Variants in SVIL observed in about 807,000 individuals in gnomAD.
SVIL encodes the protein supervillin, also known as archvillin.
SVIL carries 101 observed loss-of-function variants against 240.4 expected under a neutral mutation model. The ratio of observed to expected loss-of-function variants is 0.42; its 90% CI spans 0.36 to 0.50. The LOEUF (loss-of-function observed/expected upper bound fraction) is 0.50. Ranked by LOEUF, SVIL falls within the 20% of genes least tolerant of loss-of-function variation. The probability of loss-of-function intolerance (pLI) is 0.01; values close to 1 mark genes in which losing one functional copy is unlikely to be tolerated. For missense variants in SVIL, 2,512 were observed against 2,818.7 expected, an observed-to-expected ratio of 0.89 and a Z score of 2.46; for synonymous variants, 999 against 1,100.0, an observed-to-expected ratio of 0.91 and a Z score of 1.82.
intron 3 of SVIL, among the ~76,000 whole-genome samples, chr10:29,655,862 G>A (rs984982151): frequency 6.8e-6 from 1 of 147,412 alleles, no homozygotes; most frequent in Admixed American, 6.9e-5. Context: ...TCTGTTGAGT[G>A]TGTATGTGTG....
intron 16 of SVIL, among the ~76,000 whole-genome samples, chr10:29,519,518 A>G (rs1466202188): frequency 6.6e-6 from 1 of 152,240 alleles, no homozygotes; most frequent in Non-Finnish European, 1.5e-5. Flanking sequence ...TTTAAGCTTC[A>G]TTATTTCATT....
At chr10:29,668,082 C>T (rs775326202) in intron 2 of SVIL, among the ~76,000 whole-genome samples, 35 of 152,152 alleles carry the variant, frequency 2.3e-4, no homozygotes, top group Admixed American at 9.2e-4. Context: ...ATTTACAGGA[C>T]GACTATTAAT....
intron 1 of SVIL, among the ~76,000 whole-genome samples, chr10:29,706,628 T>C (rs1055076625): frequency 6.6e-6 from 1 of 152,220 alleles, no homozygotes; most frequent in Non-Finnish European, 1.5e-5. Context: ...TGATAGTTTC[T>C]TTTGCTGTGC....
rs778403781 is a variant in SVIL at position 29,532,524 on chromosome 10, C to T, written c.1838+5G>A. On this transcript the variant is annotated splice_donor_5th_base_variant and intron_variant, in intron 8 of 37. Coordinates refer to ENST00000355867, the MANE Select transcript of SVIL (RefSeq NM_021738.3). Reference sequence around the variant, plus strand: ...CAGCTGGAGGGCGTGTGAAGCATCACCTACAGTTCAGGTCTCCTGCAGGCG... The same window carrying T: ...CAGCTGGAGGGCGTGTGAAGCATCATCTACAGTTCAGGTCTCCTGCAGGCG... The T allele has an allele frequency of 8.7e-6, 14 of 1,601,142 alleles. No homozygotes were observed. Among genetic ancestry groups the T allele is most frequent in the South Asian group, 1.1e-5 (1 of 90,286 alleles).
Position 29,569,267 on chromosome 10 carries a change from C to A in SVIL, c.-155G>T, listed in dbSNP as rs2132719342. 3.0e-6 allele frequency: 3 copies of A among 985,778 alleles called. No homozygotes were observed. Among genetic ancestry groups the A allele is most frequent in the Non-Finnish European group, 3.6e-6 (3 of 829,888 alleles). 61.1% of individuals were successfully genotyped at this position (985,778 alleles called of 1,614,324 possible). On this transcript the variant is annotated 5_prime_UTR_variant, in exon 2 of 38. In the 5' UTR this introduces an upstream ATG that the reference lacks. Transcript: ENST00000355867. Reference sequence around the variant, plus strand: ...AAGGCCACTTTACCTTGAAACTTTCCTTTGACGTGGGAATCCAAGGAAGCT... The same window carrying A: ...AAGGCCACTTTACCTTGAAACTTTCATTTGACGTGGGAATCCAAGGAAGCT...
At chr10:29,567,423 G>A (rs35843080) in intron 2 of SVIL, among the ~76,000 whole-genome samples, 9,415 of 152,234 alleles carry the variant, frequency 0.062, 363 homozygotes, top group Admixed American at 0.12. Context: ...TCATATTTTC[G>A]TCTCTTTTAG....
chr10:29,619,354 C>T (rs557992649), intron 1 of SVIL, among the ~76,000 whole-genome samples: 2 of 152,342 alleles, frequency 1.3e-5, no homozygotes, highest in South Asian at 2.1e-4. Flanking sequence ...TTTAATGACT[C>T]TTCTGCCAAA....
chr10:29,604,503 G>A (rs572520444), intron 1 of SVIL, among the ~76,000 whole-genome samples: 28 of 151,364 alleles, frequency 1.8e-4, no homozygotes, highest in Non-Finnish European at 2.9e-4. Flanking sequence ...GATTACAGGC[G>A]TGAGCCATTG....
At chr10:29,467,689 G>T (rs528083067) in intron 33 of SVIL, 53 bp downstream of exon 33, 4 of 1,608,898 alleles carry the variant, frequency 2.5e-6, no homozygotes, top group African/African-American at 2.7e-5. Flanking sequence ...CAAGACTCTT[G>T]TTTCCAAAAA....
At chr10:29,632,875 C>T (rs1016349496) in intron 1 of SVIL, among the ~76,000 whole-genome samples, 2 of 151,820 alleles carry the variant, frequency 1.3e-5, no homozygotes, top group Non-Finnish European at 2.9e-5. Flanking sequence ...AGTATAGACT[C>T]CAAAGTTTCC....
Position 29,471,214 on chromosome 10 carries a change from G to C in SVIL, c.5559C>G (p.Pro1853=). 6.2e-7 allele frequency: 1 copy of C among 1,613,014 alleles called. No homozygotes were observed. The highest frequency in any genetic ancestry group is 1.3e-5 in the African/African-American group (1 of 75,026). ...QVQVLQGKEP[P]CFLQCFQGGM... is the part of the protein sequence containing the mutation. ...CCCCCTGGAAACACTGCAGGAAACA[G>C]GGGGGCTCCTTTCCCTGGAGAACCT... Residue 1853 remains proline (P), a synonymous_variant, in exon 31 of 38, where the codon CCC becomes CCG. Coordinates refer to ENST00000355867, the MANE Select transcript of SVIL (RefSeq NM_021738.3).
intron 1 of SVIL, among the ~76,000 whole-genome samples, chr10:29,628,100 A>C (rs1219261844): frequency 2.0e-5 from 3 of 152,254 alleles, no homozygotes; most frequent in African/African-American, 7.2e-5. Context: ...CAACCAACAT[A>C]GCACACAGTA....
intron 36 of SVIL, among the ~76,000 whole-genome samples, chr10:29,460,033 T>C (rs1361082987): frequency 6.6e-6 from 1 of 152,098 alleles, no homozygotes; most frequent in Non-Finnish European, 1.5e-5. Context: ...TCAAGGTTTG[T>C]GTGAGCCATG....
At chr10:29,479,921 C>T (rs1314712025) in intron 29 of SVIL, among the ~76,000 whole-genome samples, 5 of 152,158 alleles carry the variant, frequency 3.3e-5, no homozygotes, top group Non-Finnish European at 5.9e-5. Context: ...CAGAGTTCAC[C>T]GGACTCCCCC....
chr10:29,508,882 G>A (rs574374008), intron 17 of SVIL, among the ~76,000 whole-genome samples: 3 of 152,320 alleles, frequency 2.0e-5, no homozygotes, highest in East Asian at 1.9e-4. Context: ...TGTCTGATTC[G>A]CTGGATGACT....
At chr10:29,595,626 C>T (rs2132818180) in intron 1 of SVIL, among the ~76,000 whole-genome samples, 1 of 152,218 alleles carries the variant, frequency 6.6e-6, no homozygotes, top group Non-Finnish European at 1.5e-5. Flanking sequence ...GTAGGCAAAC[C>T]CTTACGACTC....
At chr10:29,579,600 G>A (rs1589311277) in intron 1 of SVIL, among the ~76,000 whole-genome samples, 1 of 152,204 alleles carries the variant, frequency 6.6e-6, no homozygotes. Flanking sequence ...GACAGTCACG[G>A]TATTAAACCT....
At chr10:29,728,274 C>T (rs528733286) in intron 1 of SVIL, among the ~76,000 whole-genome samples, 2 of 152,300 alleles carry the variant, frequency 1.3e-5, no homozygotes, top group South Asian at 4.1e-4. Flanking sequence ...GAAAGGTTAT[C>T]CAAAACAAGC....
intron 30 of SVIL, 97 bp downstream of exon 30, chr10:29,473,741 T>C (rs1428841842): frequency 4.1e-5 from 62 of 1,529,208 alleles, no homozygotes; most frequent in Non-Finnish European, 5.4e-5. Context: ...TCTTCCATTA[T>C]CAGAATCATG....
Sources: allele counts gnomAD v4.1 joint callset (sites outside exome capture counted in the v4.1 genomes callset), GRCh38; gene constraint gnomAD v4.1.1; transcripts MANE v1.5; gene names NCBI Gene and HGNC (gene_info 2026-07-23, HGNC 2026-07-21).